TTC6: variants seen among roughly 807,000 people sequenced by gnomAD.
TTC6 encodes tetratricopeptide repeat protein 6.
A neutral mutation model predicts 210.4 loss-of-function variants in TTC6; 172 were observed. The ratio of observed to expected loss-of-function variants is 0.82; its 90% CI spans 0.72 to 0.93. The LOEUF is 0.93. TTC6 is among the 40% of genes least tolerant of loss of function. TTC6 has a pLI of 0.00. For missense variants in TTC6, 2,414 were observed against 2,318.1 expected (o/e 1.04, Z -0.85); for synonymous variants, 804 against 819.6 (o/e 0.98, Z 0.32).
intron 5 of TTC6, among the ~76,000 whole-genome samples, chr14:37,703,166 C>T (rs1451605241): frequency 6.6e-6 from 1 of 151,880 alleles, no homozygotes; most frequent in South Asian, 2.1e-4. Flanking sequence ...GAGTCATTCC[C>T]ATTAGCACTA....
In TTC6 at chr14:37,598,559, C is replaced by T. The variant is rs540146153; in HGVS notation, c.-235+2551C>T. On this transcript the variant is annotated intron_variant, in intron 1 of 2. Coordinates refer to the TTC6 transcript ENST00000556845. This position sits in a 1 kb window ranked among gnomAD's most constrained non-coding sequence, Gnocchi z 4.9. Reference sequence around the variant, plus strand: ...CCACGCTTGGCTGCCTCAGCTTACACTTCCCAGCAGGATCTGGCTGGGAGC... The same window carrying T: ...CCACGCTTGGCTGCCTCAGCTTACATTTCCCAGCAGGATCTGGCTGGGAGC... Among the ~76,000 whole-genome samples, 9 of 152,346 alleles carry T rather than the reference C, an allele frequency of 5.9e-5. No homozygotes were observed. Among genetic ancestry groups the T allele is most frequent in the South Asian group, 4.1e-4 (2 of 4,830 alleles).
chr14:37,753,934 C>T (rs754185520), intron 14 of TTC6, among the ~76,000 whole-genome samples: 6 of 151,494 alleles, frequency 4.0e-5, no homozygotes, highest in Non-Finnish European at 8.8e-5. Flanking sequence ...TGCATTGTAC[C>T]GTTTTCATTT....
intron 1 of TTC6, among the ~76,000 whole-genome samples, chr14:37,678,325 C>T (rs2095774903): frequency 2.6e-5 from 4 of 152,044 alleles, no homozygotes; most frequent in Admixed American, 2.0e-4. Context: ...GGTGGGAGAC[C>T]TAATGAATCC....
chr14:37,710,699 G>C (rs754215513), intron 5 of TTC6, among the ~76,000 whole-genome samples: 6 of 151,870 alleles, frequency 4.0e-5, no homozygotes, highest in Non-Finnish European at 8.8e-5. Flanking sequence ...CACAGTGAGG[G>C]GCCCAAATTC....
intron 25 of TTC6, among the ~76,000 whole-genome samples, chr14:37,814,794 G>A (rs2096137727): frequency 6.6e-6 from 1 of 152,148 alleles, no homozygotes; most frequent in Admixed American, 6.6e-5. Flanking sequence ...AGGGGAAGAA[G>A]CAATGAAATA....
intron 5 of TTC6, 84 bp downstream of exon 7, chr14:37,701,610 A>G (rs1174312880): frequency 3.2e-6 from 4 of 1,259,932 alleles, no homozygotes; most frequent in Non-Finnish European, 4.2e-6. Context: ...GATTTTAAAG[A>G]CTTGATTCTG....
chr14:37,754,557 C>A (rs761702437), intron 14 of TTC6, among the ~76,000 whole-genome samples: 2 of 151,930 alleles, frequency 1.3e-5, no homozygotes, highest in Non-Finnish European at 2.9e-5. Flanking sequence ...CTCAGCCTTC[C>A]GAGTAGTTGG....
intron 6 of TTC6, among the ~76,000 whole-genome samples, chr14:37,723,248 CA>C (rs888006814): frequency 2.6e-5 from 4 of 152,014 alleles, no homozygotes; most frequent in African/African-American, 9.7e-5. Flanking sequence ...GCCATTTCAA[CA>C]AGGAGCCCTG....
chr14:37,651,792 G>T (rs1006535068), intron 1 of TTC6, among the ~76,000 whole-genome samples: 1 of 151,986 alleles, frequency 6.6e-6, no homozygotes, highest in Non-Finnish European at 1.5e-5. Flanking sequence ...GCAAGACCCT[G>T]ACTCTAAATA....
intron 1 of TTC6, among the ~76,000 whole-genome samples, chr14:37,666,584 C>T (rs970163077): frequency 2.0e-5 from 3 of 150,478 alleles, no homozygotes; most frequent in Admixed American, 6.6e-5. Context: ...TCTTGCTTCT[C>T]TCAGAGGGTG....
chr14:37,656,481 T>C (rs2095723197), intron 1 of TTC6, among the ~76,000 whole-genome samples: 1 of 151,524 alleles, frequency 6.6e-6, no homozygotes, highest in Non-Finnish European at 1.5e-5. Flanking sequence ...TGAGAGTCTA[T>C]GGGTAGTTAA....
intron 20 of TTC6, among the ~76,000 whole-genome samples, chr14:37,801,362 C>T (rs945361408): frequency 6.6e-5 from 10 of 152,020 alleles, no homozygotes; most frequent in Admixed American, 4.6e-4. Flanking sequence ...ATATATTTTG[C>T]GTGTGGCAAG....
At chr14:37,810,379 T>G (rs1380339597) in intron 24 of TTC6, among the ~76,000 whole-genome samples, 2 of 152,180 alleles carry the variant, frequency 1.3e-5, no homozygotes, top group African/African-American at 4.8e-5. Flanking sequence ...CCCTGTTAAT[T>G]AAGAAAATGC....
At chr14:37,827,040 C>T (rs990242481) in intron 28 of TTC6, among the ~76,000 whole-genome samples, 156 bp from the exon 31 acceptor site, 9 of 152,060 alleles carry the variant, frequency 5.9e-5, no homozygotes, top group African/African-American at 2.2e-4. Flanking sequence ...TTCATACCAA[C>T]TCCTTTCTCA....
intron 3 of TTC6, among the ~76,000 whole-genome samples, chr14:37,687,973 A>G (rs1334081714): frequency 6.6e-6 from 1 of 152,102 alleles, no homozygotes; most frequent in Non-Finnish European, 1.5e-5. Flanking sequence ...ATAGGGGAGT[A>G]GAGCACCAAG....
chr14:37,823,360 GTTTAA>G (rs1167020792), intron 26 of TTC6, among the ~76,000 whole-genome samples: 2 of 152,036 alleles, frequency 1.3e-5, no homozygotes, highest in African/African-American at 4.8e-5. Flanking sequence ...ATATAAATAA[GTTTAA>G]TTTAATTTTG....
intron 6 of TTC6, among the ~76,000 whole-genome samples, chr14:37,719,380 A>G (rs2095857750): frequency 6.6e-6 from 1 of 152,084 alleles, no homozygotes; most frequent in Non-Finnish European, 1.5e-5. Context: ...ATGGAAATGC[A>G]AAGAAAGTAG....
exon 25 of TTC6, chr14:37,812,370 A>C (rs749581911): frequency 3.7e-6 from 6 of 1,613,508 alleles, no homozygotes; most frequent in Middle Eastern, 3.3e-4. Context: ...CTGTAAAACT[A>C]AATACCTTCC....
Position 37,637,479 on chromosome 14 carries a change from A to G in TTC6, c.939+14476A>G, listed in dbSNP as rs143727959. Among the ~76,000 whole-genome samples, 407 of 152,294 alleles carry G rather than the reference A, an allele frequency of 2.7e-3. 4 individuals carry two copies. The highest frequency in any genetic ancestry group is 9.5e-3 in the African/African-American group (395 of 41,566). ...AACTCTACAGTAGAAAAATCCAATT[A>G]GAAAATGGACACCATTGTGGTGGGT... On this transcript the variant is annotated intron_variant, in intron 1 of 30. Coordinates refer to ENST00000553443, the Ensembl canonical transcript of TTC6.
Sources: allele counts gnomAD v4.1 joint callset (sites outside exome capture counted in the v4.1 genomes callset), GRCh38; gene constraint gnomAD v4.1.1; non-coding constraint Gnocchi (gnomAD v3.1); transcripts MANE v1.5; gene names NCBI Gene and HGNC (gene_info 2026-07-23, HGNC 2026-07-21).